The following TNNI3K variants were observed in gnomAD, a reference collection of about 807,000 sequenced individuals.
The protein encoded by TNNI3K is TNNI3 interacting kinase.
TNNI3K carries 140 observed loss-of-function variants against 114.5 expected under a neutral mutation model. The observed-to-expected ratio is 1.22, with a 90% CI of 1.07 to 1.41. The LOEUF (loss-of-function observed/expected upper bound fraction) is 1.41. TNNI3K is among the 40% of genes most tolerant of loss of function. The pLI, the probability that TNNI3K is intolerant of heterozygous loss-of-function variation, is 0.00. For missense variants in TNNI3K, 1,125 were observed against 1,007.6 expected, an observed-to-expected ratio of 1.12 and a Z score of -1.58; for synonymous variants, 347 against 347.5, an observed-to-expected ratio of 1.00 and a Z score of 0.02.
intron 17 of TNNI3K, among the ~76,000 whole-genome samples, chr1:74,407,575 CTCTT>C (rs1215407347): frequency 3.9e-5 from 6 of 152,120 alleles, no homozygotes; most frequent in African/African-American, 1.4e-4. Flanking sequence ...TTTGGTCTGA[CTCTT>C]TCTGTCATCT....
In TNNI3K at chr1:74,540,303, T is replaced by G; in HGVS notation, c.2421T>G (p.Ile807Met). The G allele has an allele frequency of 6.2e-7, 1 of 1,611,582 alleles. No individual in the cohort carries two copies. The highest frequency in any genetic ancestry group is 8.5e-7 in the Non-Finnish European group (1 of 1,178,588). The change falls in exon 24 of 25, where the codon ATT (isoleucine) becomes ATG (methionine). Residue 807 changes from isoleucine (I) to methionine (M), a missense_variant. Transcript: ENST00000326637. The part of the protein sequence containing the change: ...EMKRSLQYTP[I>M]DKYGYVSDPM... ...AAAGAAGTCTTCAATACACACCCATTGACAAATATGGTAAGTAGGCAGATT... is the reference window on the plus strand; with the variant it reads ...AAAGAAGTCTTCAATACACACCCATGGACAAATATGGTAAGTAGGCAGATT...
At chr1:74,272,611 G>A (rs1400740322) in intron 5 of TNNI3K, among the ~76,000 whole-genome samples, 1 of 151,800 alleles carries the variant, frequency 6.6e-6, no homozygotes, top group Non-Finnish European at 1.5e-5. Flanking sequence ...GAATGATGAA[G>A]ACAAGGTCTG....
intron 20 of TNNI3K, among the ~76,000 whole-genome samples, chr1:74,448,507 G>A (rs1031005176): frequency 5.5e-5 from 8 of 146,082 alleles, no homozygotes; most frequent in Non-Finnish European, 1.2e-4. Flanking sequence ...ATGTTGAATA[G>A]GAGTGGTGAG....
intron 9 of TNNI3K, among the ~76,000 whole-genome samples, chr1:74,350,271 G>A (rs1300765882): frequency 6.6e-6 from 1 of 152,172 alleles, no homozygotes; most frequent in Non-Finnish European, 1.5e-5. Context: ...TTTCCATGTA[G>A]TTGAGCAGTT....
chr1:74,336,154 G>A lies in TNNI3K; in HGVS notation c.682+5G>A, dbSNP rs1660451753. The A allele has an allele frequency of 1.3e-6, 2 of 1,592,400 alleles. No individual in the cohort carries two copies. The highest frequency in any genetic ancestry group is 8.5e-7 in the Non-Finnish European group (1 of 1,174,170). On this transcript the variant is annotated splice_donor_5th_base_variant and intron_variant, in intron 7 of 24. Transcript: ENST00000326637. ...AAGAAGGCAGCAAAGCAGATGGTAAGATTATATATTTAAAAGACCTTTGCT... is the reference window on the plus strand; with the variant it reads ...AAGAAGGCAGCAAAGCAGATGGTAAAATTATATATTTAAAAGACCTTTGCT...
At chr1:74,455,237 C>G (rs1342017850) in intron 20 of TNNI3K, among the ~76,000 whole-genome samples, 1 of 152,122 alleles carries the variant, frequency 6.6e-6, no homozygotes, top group African/African-American at 2.4e-5. Context: ...ATTCTTAGAA[C>G]AGATGATACC....
intron 11 of TNNI3K, among the ~76,000 whole-genome samples, chr1:74,360,042 A>C (rs1324703382): frequency 6.6e-6 from 1 of 151,958 alleles, no homozygotes; most frequent in Non-Finnish European, 1.5e-5. Context: ...TATCGATTCA[A>C]TCAAAAAGTC....
intron 5 of TNNI3K, among the ~76,000 whole-genome samples, chr1:74,306,936 A>C (rs1156312809): frequency 6.6e-6 from 1 of 152,172 alleles, no homozygotes; most frequent in Admixed American, 6.5e-5. Flanking sequence ...TTATTTGCCT[A>C]GGTCAATTCC....
intron 4 of TNNI3K, among the ~76,000 whole-genome samples, chr1:74,263,833 A>G (rs569213292): frequency 9.9e-5 from 15 of 152,172 alleles, no homozygotes; most frequent in African/African-American, 3.4e-4. Flanking sequence ...TGTTATTTTT[A>G]AACTTTAAAA....
In TNNI3K at chr1:74,434,137, T is replaced by C. The variant is rs79836287; in HGVS notation, c.1773-1943T>C. ...TGTGATTTCAGAGCATTAAAATATATGCATAAAAACCTGTACTAGTGCCTT... is the reference window on the plus strand; with the variant it reads ...TGTGATTTCAGAGCATTAAAATATACGCATAAAAACCTGTACTAGTGCCTT... On this transcript the variant is annotated intron_variant, in intron 17 of 24. Transcript: ENST00000326637. Among the ~76,000 whole-genome samples the C allele has an allele frequency of 2.9e-4, 44 of 152,158 alleles. No homozygotes were observed. The East Asian group carries it at 7.7e-3, about 27-fold the overall frequency.
At chr1:74,349,219 T>C (rs754857032) in intron 9 of TNNI3K, among the ~76,000 whole-genome samples, 17 of 152,220 alleles carry the variant, frequency 1.1e-4, no homozygotes, top group Non-Finnish European at 2.4e-4. Context: ...CTAAAAACTT[T>C]TCTGCATCTA....
chr1:74,363,267 A>C (rs1167857072), intron 11 of TNNI3K, among the ~76,000 whole-genome samples: 1 of 151,808 alleles, frequency 6.6e-6, no homozygotes, highest in Non-Finnish European at 1.5e-5. Flanking sequence ...GGCTTGTCAG[A>C]GCAGTTGTAG....
intron 20 of TNNI3K, among the ~76,000 whole-genome samples, chr1:74,461,701 C>T (rs370981401): frequency 5.9e-5 from 9 of 152,278 alleles, no homozygotes; most frequent in Middle Eastern, 3.4e-3. Context: ...CCCTCACACA[C>T]ATGCTGTTGA....
At chr1:74,312,533 G>C (rs1332218292) in intron 5 of TNNI3K, among the ~76,000 whole-genome samples, 1 of 152,234 alleles carries the variant, frequency 6.6e-6, no homozygotes, top group Non-Finnish European at 1.5e-5. Context: ...CTGACTGGAA[G>C]ATGACAATGA....
intron 17 of TNNI3K, among the ~76,000 whole-genome samples, chr1:74,424,458 C>T (rs1484971781): frequency 1.3e-5 from 2 of 152,030 alleles, no homozygotes; most frequent in South Asian, 2.1e-4. Flanking sequence ...GAGGCTTGCA[C>T]CTGTTATCCC....
intron 23 of TNNI3K, among the ~76,000 whole-genome samples, chr1:74,525,526 C>A (rs954487311): frequency 1.7e-4 from 26 of 152,132 alleles, no homozygotes; most frequent in African/African-American, 6.3e-4. Context: ...GAAGAAATGA[C>A]CAGGAGCTCA....
At chr1:74,397,839 C>T (rs905908492) in intron 17 of TNNI3K, among the ~76,000 whole-genome samples, 1 of 152,174 alleles carries the variant, frequency 6.6e-6, no homozygotes, top group Admixed American at 6.5e-5. Context: ...GTAGATTACC[C>T]AATAACTAGT....
At chr1:74,450,670 A>C (rs2100696199) in intron 20 of TNNI3K, among the ~76,000 whole-genome samples, 1 of 152,306 alleles carries the variant, frequency 6.6e-6, no homozygotes, top group South Asian at 2.1e-4. Context: ...TGATCATTAG[A>C]GAAACGCAGA....
chr1:74,267,651 C>A (rs930693638), intron 4 of TNNI3K, among the ~76,000 whole-genome samples: 5 of 151,882 alleles, frequency 3.3e-5, no homozygotes, highest in African/African-American at 1.2e-4. Flanking sequence ...GCAGCAATTA[C>A]TGCTTTATGT....
Sources: gnomAD v4.1 joint callset for allele counts (sites outside exome capture counted in the v4.1 genomes callset) on GRCh38, gnomAD v4.1.1 for gene constraint, MANE v1.5 for transcripts, NCBI Gene and HGNC (gene_info 2026-07-23, HGNC 2026-07-21) for gene names.